NUDT4: variants seen among roughly 807,000 people sequenced by gnomAD.
NUDT4 encodes the protein nudix hydrolase 4.
Under a neutral mutation model 23.1 loss-of-function variants are expected in NUDT4, and 5 were observed. That is an observed-to-expected ratio of 0.22 (90% confidence interval 0.11 to 0.46). The LOEUF (loss-of-function observed/expected upper bound fraction) is 0.46. Among genes scored for constraint, NUDT4 ranks in the 20% least tolerant of loss-of-function variants. NUDT4 has a pLI of 0.99. For synonymous variants in NUDT4, 50 were observed against 79.0 expected (o/e 0.63, Z 1.95); for missense variants, 96 against 211.6 (o/e 0.45, Z 3.39).
rs184656173 is a variant in NUDT4 at position 93,395,720 on chromosome 12, A to G, written c.255+187A>G. ...CATATGCCACCACTTTTATTTATTT[A>G]TTTTTAATTAATTTTTTTTAAGACA... On this transcript the variant is annotated intron_variant, in intron 3 of 4. Coordinates refer to ENST00000415493, the MANE Select transcript of NUDT4 (RefSeq NM_019094.6). Among the ~76,000 whole-genome samples, 395 of 152,090 alleles carry G rather than the reference A, an allele frequency of 2.6e-3. 6 individuals are homozygous for G. The highest frequency in any genetic ancestry group is 8.5e-3 in the African/African-American group (354 of 41,512).
chr12:93,384,209 C>G (rs918494195), intron 1 of NUDT4, among the ~76,000 whole-genome samples: 6 of 151,696 alleles, frequency 4.0e-5, no homozygotes, highest in African/African-American at 1.5e-4. Context: ...CGCTCTGTCA[C>G]CAGGCTGGAG....
Position 93,400,514 on chromosome 12 carries a change from T to C in NUDT4, c.*1135T>C, listed in dbSNP as rs1220384799. Reference sequence around the variant, plus strand: ...CTCACTTAAAATCAAGAATCCCATCTAAAACACATAGGTACCTTATCTGAA... The same window carrying C: ...CTCACTTAAAATCAAGAATCCCATCCAAAACACATAGGTACCTTATCTGAA... On this transcript the variant is annotated 3_prime_UTR_variant, in exon 5 of 5. Transcript: ENST00000415493. 2 of 152,276 alleles carry C rather than the reference T, an allele frequency of 1.3e-5. No individual in the cohort carries two copies. The highest frequency in any genetic ancestry group is 4.8e-5 in the African/African-American group (2 of 41,480). 9.4% of individuals were successfully genotyped at this position (152,276 alleles called of 1,614,324 possible).
chr12:93,381,492 AG>A (rs1484381286), intron 1 of NUDT4, among the ~76,000 whole-genome samples: 1 of 152,246 alleles, frequency 6.6e-6, no homozygotes, highest in African/African-American at 2.4e-5. Context: ...TGAAGAGATG[AG>A]GTCTTAGCTC....
intron 4 of NUDT4, 105 bp downstream of exon 4, chr12:93,398,960 T>C (rs956096568): frequency 3.2e-5 from 28 of 885,078 alleles, no homozygotes; most frequent in Non-Finnish European, 4.0e-5. Context: ...TCTTTGCTTA[T>C]ATTCCTGTGT....
intron 1 of NUDT4, among the ~76,000 whole-genome samples, chr12:93,382,576 T>C (rs1456364191): frequency 6.6e-6 from 1 of 152,032 alleles, no homozygotes; most frequent in Non-Finnish European, 1.5e-5. Flanking sequence ...TTTTCACACA[T>C]ACTCTGGGGC....
Position 93,406,734 on chromosome 12 carries a change from C to T in NUDT4, c.*7355C>T, listed in dbSNP as rs1430688157. 1.3e-5 allele frequency: 2 copies of T among 152,062 alleles called. No individual in the cohort carries two copies. Among genetic ancestry groups the T allele is most frequent in the Admixed American group, 6.5e-5 (1 of 15,268 alleles). 9.4% of individuals were successfully genotyped at this position (152,062 alleles called of 1,614,324 possible). A position where few individuals can be genotyped will look rare whatever the true frequency, so the allele number is the denominator to read the frequency against. On this transcript the variant is annotated 3_prime_UTR_variant, in exon 5 of 5. Coordinates refer to ENST00000415493, the MANE Select transcript of NUDT4 (RefSeq NM_019094.6). ...TAAGTAATCTAAATATTAACATAAG[C>T]GGGAGGATTTGTGTAGATTGTATGC...
intron 1 of NUDT4, 196 bp downstream of exon 1, chr12:93,378,617 A>AG (rs1425518486): frequency 4.1e-6 from 5 of 1,229,380 alleles, no homozygotes; most frequent in Non-Finnish European, 5.1e-6. Flanking sequence ...GATGAGACAA[A>AG]GGGGGCTCGC....
intron 1 of NUDT4, among the ~76,000 whole-genome samples, chr12:93,388,095 A>C (rs140876783): frequency 5.9e-5 from 9 of 152,340 alleles, no homozygotes; most frequent in Non-Finnish European, 1.2e-4. Flanking sequence ...ACCTCTTTTC[A>C]TAAGCTAGTT....
intron 1 of NUDT4, among the ~76,000 whole-genome samples, chr12:93,385,941 T>TTATATATATA (rs371683658): frequency 8.7e-4 from 91 of 104,560 alleles, no homozygotes; most frequent in African/African-American, 2.3e-3. Context: ...GTAAATCTTT[T>TTATATATATA]TATATATATA....
At chr12:93,398,694 T>A (rs899538370) in intron 3 of NUDT4, 77 bp from the exon 4 acceptor site, 1 of 940,018 alleles carries the variant, frequency 1.1e-6, no homozygotes, top group Non-Finnish European at 1.7e-6. Context: ...TATGCCAGAC[T>A]AATTTTTTTC....
intron 1 of NUDT4, among the ~76,000 whole-genome samples, chr12:93,392,624 TA>T (rs1272000410): frequency 7.5e-6 from 1 of 132,664 alleles, no homozygotes; most frequent in Admixed American, 7.9e-5. Flanking sequence ...GATACTTGTC[TA>T]AGGTAATAGG....
Position 93,378,111 on chromosome 12 carries a change from C to T in NUDT4, c.-212C>T, listed in dbSNP as rs1339737249. 1.2e-5 allele frequency: 3 copies of T among 256,422 alleles called. No individual in the cohort carries two copies. Among genetic ancestry groups the T allele is most frequent in the African/African-American group, 6.8e-5 (3 of 44,056 alleles). The allele number at this position is 256,422 out of a possible 1,614,324, so 15.9% of individuals were successfully genotyped here. On this transcript the variant is annotated 5_prime_UTR_variant, in exon 1 of 5. It introduces an in-frame stop codon into an upstream open reading frame of the 5' UTR. Coordinates refer to ENST00000415493, the MANE Select transcript of NUDT4 (RefSeq NM_019094.6). ...AGCTTTCATCTCGGCACCCTGGTTCCAGTGACCCGCGCTAGCGTCCCGTCC... is the reference window on the plus strand; with the variant it reads ...AGCTTTCATCTCGGCACCCTGGTTCTAGTGACCCGCGCTAGCGTCCCGTCC...
intron 1 of NUDT4, chr12:93,378,826 C>G: frequency 3.0e-6 from 3 of 985,130 alleles, no homozygotes; most frequent in Non-Finnish European, 3.6e-6. Context: ...GCCTCTTTTA[C>G]ATATTTTCCT....
chr12:93,382,051 G>GTT (rs1875697556), intron 1 of NUDT4, among the ~76,000 whole-genome samples: 1 of 152,176 alleles, frequency 6.6e-6, no homozygotes, highest in Admixed American at 6.5e-5. Flanking sequence ...GAAGTCAAGT[G>GTT]TTTGAGACCA....
At chr12:93,381,321 A>C (rs769101981) in intron 1 of NUDT4, among the ~76,000 whole-genome samples, 14 of 152,160 alleles carry the variant, frequency 9.2e-5, no homozygotes, top group Admixed American at 5.2e-4. Flanking sequence ...AAGCACCCTC[A>C]GTTTTGGCCG....
chr12:93,378,265 G>T lies in NUDT4; in HGVS notation c.-58G>T, dbSNP rs1875342020. ...CCCCACTCCCCGGCGGGGTGGCGGC[G>T]GCCGGGCCCCCACGGCGGCGGCCGG... is the stretch of plus-strand genomic sequence containing the variant. On this transcript the variant is annotated 5_prime_UTR_variant, in exon 1 of 5. Transcript: ENST00000415493. 3 of 658,742 alleles carry T rather than the reference G, an allele frequency of 4.6e-6. No individual in the cohort carries two copies. The highest frequency in any genetic ancestry group is 5.7e-5 in the Admixed American group (1 of 17,394). The allele number at this position is 658,742 out of a possible 1,614,324, so 40.8% of individuals were successfully genotyped here. A position where few individuals can be genotyped will look rare whatever the true frequency, so the allele number is the denominator to read the frequency against.
chr12:93,386,850 ACAT>A (rs1876137056), intron 1 of NUDT4, among the ~76,000 whole-genome samples: 1 of 152,312 alleles, frequency 6.6e-6, no homozygotes, highest in South Asian at 2.1e-4. Flanking sequence ...AACTGGAAGA[ACAT>A]AGCTAAATCT....
At chr12:93,380,129 G>C (rs1191078857) in intron 1 of NUDT4, among the ~76,000 whole-genome samples, 2 of 152,186 alleles carry the variant, frequency 1.3e-5, no homozygotes, top group Non-Finnish European at 2.9e-5. Flanking sequence ...CCTTACTCCT[G>C]ATGTTGGGCT....
intron 1 of NUDT4, among the ~76,000 whole-genome samples, chr12:93,393,188 G>A (rs1341171819): frequency 2.3e-5 from 3 of 128,064 alleles, no homozygotes; most frequent in East Asian, 4.9e-4. Context: ...TGCAACCTCC[G>A]CCTCCCAGGT....
Sources: allele counts gnomAD v4.1 joint callset (sites outside exome capture counted in the v4.1 genomes callset), GRCh38; gene constraint gnomAD v4.1.1; transcripts MANE v1.5; gene names NCBI Gene and HGNC (gene_info 2026-07-23, HGNC 2026-07-21).